Variants in NFIX observed in about 807,000 individuals in gnomAD.
The protein encoded by NFIX is nuclear factor 1 X-type.
Under a neutral mutation model 53.3 loss-of-function variants are expected in NFIX, and 2 were observed. That is an observed-to-expected ratio of 0.04 (90% CI 0.02 to 0.12). The LOEUF (loss-of-function observed/expected upper bound fraction) is 0.12, where lower values mean the gene tolerates loss of function less well. Among genes scored for constraint, NFIX ranks in the 10% least tolerant of loss-of-function variants. The pLI is 1.00. For synonymous variants in NFIX, 244 were observed against 289.0 expected (o/e 0.84, Z 1.58); for missense variants, 310 against 674.5 (o/e 0.46, Z 5.99).
At chr19:13,018,574 C>T (rs989027072) in intron 1 of NFIX, among the ~76,000 whole-genome samples, 1 of 152,230 alleles carries the variant, frequency 6.6e-6, no homozygotes, top group African/African-American at 2.4e-5. Context: ...TTCCGGTTTC[C>T]ATTCCTGGAG....
At position 12,997,888 on chromosome 19, in the gene NFIX, A is replaced by T. The variant is rs1009743501; in HGVS notation, c.27+2024A>T. 3.9e-5 allele frequency among the ~76,000 whole-genome samples: 6 copies of T among 152,204 alleles called. No individual in the cohort carries two copies. The South Asian group carries it at 1.2e-3, about 32-fold the overall frequency. On this transcript the variant is annotated intron_variant, in intron 1 of 10. Transcript: ENST00000592199. Reference sequence around the variant, plus strand: ...CTCTGTGTGATTGTAGGCCCAGGTTACGACAGTTCCAGTGTGCCAGGATGG... The same window carrying T: ...CTCTGTGTGATTGTAGGCCCAGGTTTCGACAGTTCCAGTGTGCCAGGATGG...
At chr19:13,024,444 A>C in intron 1 of NFIX, 1 of 1,443,296 alleles carries the variant, frequency 6.9e-7, no homozygotes, top group Admixed American at 2.6e-5. Flanking sequence ...GGGGAGAGGG[A>C]AGCCTGATCT....
In NFIX at chr19:13,078,822, G is replaced by A; in HGVS notation, c.1078+87G>A. 7.0e-7 allele frequency: 1 copy of A among 1,419,682 alleles called. No homozygotes were observed. The highest frequency in any genetic ancestry group is 9.5e-7 in the Non-Finnish European group (1 of 1,056,036). 87.9% of individuals were successfully genotyped at this position (1,419,682 alleles called of 1,614,324 possible). ...CTGGCCAGGTGAAGGGGCCAGAGCTGACCCCGAGTGACAGCCCCACGCTCT... is the reference window on the plus strand; with the variant it reads ...CTGGCCAGGTGAAGGGGCCAGAGCTAACCCCGAGTGACAGCCCCACGCTCT... On this transcript the variant is annotated intron_variant, in intron 7 of 10. Transcript: ENST00000592199. This position sits in a 1 kb window ranked among gnomAD's most constrained non-coding sequence, Gnocchi z 4.7.
intron 2 of NFIX, among the ~76,000 whole-genome samples, chr19:13,050,186 AC>A (rs1197600258): frequency 6.6e-6 from 1 of 152,136 alleles, no homozygotes; most frequent in Non-Finnish European, 1.5e-5. Flanking sequence ...GCCCCTGCTG[AC>A]CCTTCCATCA....
At chr19:13,015,599 C>T (rs1254021309) in intron 1 of NFIX, among the ~76,000 whole-genome samples, 1 of 152,192 alleles carries the variant, frequency 6.6e-6, no homozygotes, top group Non-Finnish European at 1.5e-5. Flanking sequence ...CATACTGAGG[C>T]CCCCCATTCC....
At chr19:13,039,068 G>A (rs1441707727) in intron 2 of NFIX, among the ~76,000 whole-genome samples, 2 of 152,150 alleles carry the variant, frequency 1.3e-5, no homozygotes, top group African/African-American at 4.8e-5. Flanking sequence ...GATATTGCCA[G>A]CCCAAAAGAT....
intron 2 of NFIX, among the ~76,000 whole-genome samples, chr19:13,050,078 T>C (rs1490578939): frequency 6.6e-6 from 1 of 152,252 alleles, no homozygotes; most frequent in Non-Finnish European, 1.5e-5. Flanking sequence ...TACTTAGGAA[T>C]TGCCCTGTCC....
intron 8 of NFIX, among the ~76,000 whole-genome samples, chr19:13,085,293 C>T (rs981143731): frequency 1.6e-4 from 24 of 152,186 alleles, no homozygotes; most frequent in Middle Eastern, 6.8e-3. Flanking sequence ...CCATATCAGG[C>T]GGGGATTAGC....
chr19:13,095,838 C>T lies in NFIX; in HGVS notation c.*1189C>T, dbSNP rs908866823. 2 of 151,840 alleles carry T rather than the reference C, an allele frequency of 1.3e-5. No homozygotes were observed. Among genetic ancestry groups the T allele is most frequent in the Non-Finnish European group, 2.9e-5 (2 of 67,964 alleles). 9.4% of individuals were successfully genotyped at this position (151,840 alleles called of 1,614,324 possible). On this transcript the variant is annotated 3_prime_UTR_variant, in exon 11 of 11. Transcript: ENST00000592199. ...GCCCCCCGACTTTCCCCCGCCTCCC[C>T]GCCCCCCACGTGGCCACTTTTCTCT...
intron 1 of NFIX, 122 bp from the exon 2 acceptor site, chr19:13,024,899 G>T: frequency 7.5e-7 from 1 of 1,329,198 alleles, no homozygotes. Context: ...AGGAGGAGAA[G>T]GCGGTTTTCC....
At chr19:13,074,704 C>CTT (rs1262168364) in intron 5 of NFIX, among the ~76,000 whole-genome samples, 5 of 136,078 alleles carry the variant, frequency 3.7e-5, no homozygotes, top group Non-Finnish European at 6.4e-5. Flanking sequence ...GTCCACTCCA[C>CTT]TTTTTTTTTT....
chr19:13,059,867 T>C (rs914289030), intron 2 of NFIX, among the ~76,000 whole-genome samples: 1 of 147,540 alleles, frequency 6.8e-6, no homozygotes, highest in Non-Finnish European at 1.5e-5. Context: ...CACTGCAGCC[T>C]TTGCCTCTGG....
At chr19:13,074,104 C>G in intron 5 of NFIX, 78 bp downstream of exon 5, 1 of 1,569,096 alleles carries the variant, frequency 6.4e-7, no homozygotes, top group Non-Finnish European at 8.7e-7. Flanking sequence ...CTATAGTCAG[C>G]TGTGTCACTG....
At chr19:13,019,699 A>G (rs1025653593) in intron 1 of NFIX, among the ~76,000 whole-genome samples, 2 of 147,052 alleles carry the variant, frequency 1.4e-5, no homozygotes, top group Admixed American at 1.4e-4. Flanking sequence ...TGTTTCAGTG[A>G]AAACTGTTGC....
chr19:13,070,117 T>TTGCCTCCCCAGGAGC (rs879634230), intron 2 of NFIX: 1 of 152,218 alleles, frequency 6.6e-6, no homozygotes, highest in Non-Finnish European at 1.5e-5. Flanking sequence ...GGACGTCTCC[T>TTGCCTCCCCAGGAGC]TGCCTCCCCA....
rs1203120040 is a variant in NFIX, at chr19:13,001,784, G to A, written c.27+5920G>A. On this transcript the variant is annotated intron_variant, in intron 1 of 10. Transcript: ENST00000592199. The surrounding 1 kb of genome is among the most constrained non-coding windows in gnomAD (Gnocchi z 6.5). ...TCCTGGGCATTCCCTTGGCCTCCGA[G>A]CACCATGTGAGATGCCTGCTATGGC... Among the ~76,000 whole-genome samples the A allele has an allele frequency of 2.0e-5, 3 of 152,236 alleles. No homozygotes were observed. The highest frequency in any genetic ancestry group is 4.8e-5 in the African/African-American group (2 of 41,470).
At position 13,073,286 on chromosome 19, in the gene NFIX, G is replaced by T; in HGVS notation, c.623-136G>T. On this transcript the variant is annotated intron_variant, in intron 3 of 10. Transcript: ENST00000592199. The surrounding 1 kb of genome is among the most constrained non-coding windows in gnomAD (Gnocchi z 4.5). ...ACACCTAGAGGATCCCCCCTGTTCGGTGTAGACCTGAGGGCTAGCCTGGAG... is the reference window on the plus strand; with the variant it reads ...ACACCTAGAGGATCCCCCCTGTTCGTTGTAGACCTGAGGGCTAGCCTGGAG... 4.3e-6 allele frequency: 4 copies of T among 933,754 alleles called. No homozygotes were observed. The highest frequency in any genetic ancestry group is 1.8e-5 in the Admixed American group (1 of 55,080). The allele number at this position is 933,754 out of a possible 1,614,324, so 57.8% of individuals were successfully genotyped here.
In NFIX at chr19:13,014,983, GA is replaced by G. The variant is rs1441150184; in HGVS notation, c.28-10035del. Reference sequence around the variant, plus strand: ...GTGCCTGAGGAAGAAACAGCAATGAGAAAGCAATGGGAAAAATGGGCAATAA... The same window carrying G: ...GTGCCTGAGGAAGAAACAGCAATGAGAAGCAATGGGAAAAATGGGCAATAA... On this transcript the variant is annotated intron_variant, in intron 1 of 10. Coordinates refer to ENST00000592199, the MANE Select transcript of NFIX (RefSeq NM_001365902.3). The surrounding 1 kb of genome is among the most constrained non-coding windows in gnomAD (Gnocchi z 4.4). 6.6e-6 allele frequency among the ~76,000 whole-genome samples: 1 copy of G among 152,214 alleles called. No homozygotes were observed. The highest frequency in any genetic ancestry group is 1.5e-5 in the Non-Finnish European group (1 of 68,036).
rs2014580123 is a variant in NFIX at position 13,040,943 on chromosome 19, G to T, written c.559+15391G>T. Among the ~76,000 whole-genome samples, 1 of 152,064 alleles carries T rather than the reference G, an allele frequency of 6.6e-6. No homozygotes were observed. Among genetic ancestry groups the T allele is most frequent in the Non-Finnish European group, 1.5e-5 (1 of 68,016 alleles). On this transcript the variant is annotated intron_variant, in intron 2 of 10. Transcript: ENST00000592199. This position sits in a 1 kb window ranked among gnomAD's most constrained non-coding sequence, Gnocchi z 4.2. ...TAGCTCCTTCCTCCTCTCTCACCTGGTCCTAAACCTCTTTCCTCTGGCCCC... is the reference window on the plus strand; with the variant it reads ...TAGCTCCTTCCTCCTCTCTCACCTGTTCCTAAACCTCTTTCCTCTGGCCCC...
Sources: allele counts gnomAD v4.1 joint callset (sites outside exome capture counted in the v4.1 genomes callset), GRCh38; gene constraint gnomAD v4.1.1; non-coding constraint Gnocchi (gnomAD v3.1); transcripts MANE v1.5; gene names NCBI Gene and HGNC (gene_info 2026-07-23, HGNC 2026-07-21).